Variants in UBE2E2 observed in about 807,000 individuals in gnomAD.
UBE2E2 encodes ubiquitin-conjugating enzyme E2 E2.
Under a neutral mutation model 24.7 loss-of-function variants are expected in UBE2E2, and 6 were observed. That is an observed-to-expected ratio of 0.24 (90% CI 0.13 to 0.48). The LOEUF (loss-of-function observed/expected upper bound fraction) is 0.48. UBE2E2 is among the 20% of genes least tolerant of loss of function. The probability of loss-of-function intolerance (pLI) is 0.99; values close to 1 mark genes in which losing one functional copy is unlikely to be tolerated. For synonymous variants in UBE2E2, 104 were observed against 83.6 expected (o/e 1.24, Z -1.33); for missense variants, 169 against 245.0 (o/e 0.69, Z 2.07).
At chr3:23,439,679 T>G (rs1326718220) in intron 3 of UBE2E2, among the ~76,000 whole-genome samples, 1 of 152,184 alleles carries the variant, frequency 6.6e-6, no homozygotes, top group Non-Finnish European at 1.5e-5. Flanking sequence ...AACCCACATC[T>G]TATAACAATG....
At chr3:23,350,500 C>A (rs998293351) in intron 3 of UBE2E2, among the ~76,000 whole-genome samples, 11 of 152,046 alleles carry the variant, frequency 7.2e-5, no homozygotes, top group South Asian at 4.1e-4. Flanking sequence ...AAAATTTAGA[C>A]GAATGTATAA....
chr3:23,297,732 C>G (rs1698951613), intron 3 of UBE2E2, among the ~76,000 whole-genome samples: 1 of 152,132 alleles, frequency 6.6e-6, no homozygotes. Flanking sequence ...ATGCCTCCAG[C>G]TTTGTTCTTT....
At chr3:23,347,935 T>A (rs1029486876) in intron 3 of UBE2E2, among the ~76,000 whole-genome samples, 13 of 152,080 alleles carry the variant, frequency 8.5e-5, no homozygotes, top group African/African-American at 2.9e-4. Flanking sequence ...AATAAGTTTG[T>A]GGTAGGCTAT....
At chr3:23,213,397 T>A (rs1382087589) in intron 2 of UBE2E2, among the ~76,000 whole-genome samples, 1 of 152,078 alleles carries the variant, frequency 6.6e-6, no homozygotes, top group African/African-American at 2.4e-5. Flanking sequence ...ATTGTTATGA[T>A]TCCCCTCCTC....
intron 3 of UBE2E2, among the ~76,000 whole-genome samples, chr3:23,477,781 A>G (rs1699171141): frequency 6.6e-6 from 1 of 152,026 alleles, no homozygotes; most frequent in Admixed American, 6.6e-5. Context: ...TCAAATTGTA[A>G]CCGCCATAAT....
chr3:23,489,487 A>C (rs958915253), intron 3 of UBE2E2, among the ~76,000 whole-genome samples: 5 of 152,222 alleles, frequency 3.3e-5, no homozygotes, highest in Admixed American at 6.5e-5. Flanking sequence ...GGACATTAGC[A>C]TGCAAGATGT....
At chr3:23,562,779 C>T (rs1265632261) in intron 5 of UBE2E2, among the ~76,000 whole-genome samples, 1 of 152,160 alleles carries the variant, frequency 6.6e-6, no homozygotes, top group Non-Finnish European at 1.5e-5. Context: ...GATTCAGCTT[C>T]TTCCTGGTTT....
At chr3:23,240,160 T>C (rs1387932423) in intron 3 of UBE2E2, among the ~76,000 whole-genome samples, 1 of 152,218 alleles carries the variant, frequency 6.6e-6, no homozygotes, top group Non-Finnish European at 1.5e-5. Context: ...ACATTCACCA[T>C]TCACATTTTA....
chr3:23,260,704 C>G (rs553227823), intron 3 of UBE2E2, among the ~76,000 whole-genome samples: 1 of 152,154 alleles, frequency 6.6e-6, no homozygotes, highest in South Asian at 2.1e-4. Context: ...CCAGCTACTT[C>G]AGAGACTGAG....
chr3:23,561,147 A>G (rs1260643443), intron 5 of UBE2E2, among the ~76,000 whole-genome samples: 1 of 152,122 alleles, frequency 6.6e-6, no homozygotes, highest in African/African-American at 2.4e-5. Flanking sequence ...CTTGACCCCC[A>G]TCCCTATGTC....
At chr3:23,501,482 T>A (rs1235799933) in intron 4 of UBE2E2, among the ~76,000 whole-genome samples, 1 of 152,168 alleles carries the variant, frequency 6.6e-6, no homozygotes, top group African/African-American at 2.4e-5. Flanking sequence ...AGAGAGGTTT[T>A]CCAAGAGTGT....
intron 4 of UBE2E2, among the ~76,000 whole-genome samples, chr3:23,500,952 G>A (rs1699707481): frequency 1.3e-5 from 2 of 152,070 alleles, no homozygotes; most frequent in Non-Finnish European, 2.9e-5. Context: ...GTCAGGGCTG[G>A]TGGCACTGGT....
At chr3:23,543,307 A>C (rs1695437780) in intron 5 of UBE2E2, among the ~76,000 whole-genome samples, 1 of 152,142 alleles carries the variant, frequency 6.6e-6, no homozygotes, top group South Asian at 2.1e-4. Context: ...ATACCTAGAA[A>C]ACCCTAAAGA....
chr3:23,496,344 A>G (rs944586617), intron 3 of UBE2E2, among the ~76,000 whole-genome samples: 9 of 152,166 alleles, frequency 5.9e-5, no homozygotes, highest in Non-Finnish European at 1.0e-4. Flanking sequence ...AATCCACTGC[A>G]CACACTGAGA....
At chr3:23,293,844 A>G (rs1468273707) in intron 3 of UBE2E2, among the ~76,000 whole-genome samples, 2 of 152,204 alleles carry the variant, frequency 1.3e-5, no homozygotes, top group Non-Finnish European at 2.9e-5. Context: ...AGCCAGGTGC[A>G]TTGGTGTGCA....
At chr3:23,508,054 G>A (rs1694495535) in intron 4 of UBE2E2, among the ~76,000 whole-genome samples, 1 of 152,272 alleles carries the variant, frequency 6.6e-6, no homozygotes, top group East Asian at 1.9e-4. Flanking sequence ...TGTATCCTCA[G>A]TGTCATGACT....
At chr3:23,439,820 C>T (rs1488900053) in intron 3 of UBE2E2, among the ~76,000 whole-genome samples, 1 of 152,098 alleles carries the variant, frequency 6.6e-6, no homozygotes, top group African/African-American at 2.4e-5. Context: ...AACTAAAGTA[C>T]CATAGTGCTG....
At chr3:23,207,698 C>T (rs1696188536) in intron 1 of UBE2E2, among the ~76,000 whole-genome samples, 1 of 152,162 alleles carries the variant, frequency 6.6e-6, no homozygotes, top group African/African-American at 2.4e-5. Flanking sequence ...TACTAACCTT[C>T]GTTTTTGTAC....
Position 23,591,471 on chromosome 3 carries a change from T to C in UBE2E2, c.*1640T>C, listed in dbSNP as rs1318144619. The C allele has an allele frequency of 1.3e-5, 2 of 152,200 alleles. No homozygotes were observed. Among genetic ancestry groups the C allele is most frequent in the Non-Finnish European group, 2.9e-5 (2 of 68,036 alleles). 9.4% of individuals were successfully genotyped at this position (152,200 alleles called of 1,614,324 possible). ...TTCTAAACCAAAATACCTGAGAATATTTTTTGTCTTTTTAATAACGATTTT... is the reference window on the plus strand; with the variant it reads ...TTCTAAACCAAAATACCTGAGAATACTTTTTGTCTTTTTAATAACGATTTT... On this transcript the variant is annotated 3_prime_UTR_variant, in exon 6 of 6. Transcript: ENST00000396703.
Sources: gnomAD v4.1 joint callset for allele counts (sites outside exome capture counted in the v4.1 genomes callset) on GRCh38, gnomAD v4.1.1 for gene constraint, MANE v1.5 for transcripts, NCBI Gene and HGNC (gene_info 2026-07-23, HGNC 2026-07-21) for gene names.